Variants in ASPRV1 observed in about 807,000 individuals in gnomAD.
ASPRV1 encodes the protein aspartic peptidase retroviral like 1.
In ASPRV1, 7 loss-of-function variants were observed where a neutral mutation model predicts 11.0. The observed-to-expected ratio is 0.64, with a 90% confidence interval of 0.36 to 1.20. The LOEUF (loss-of-function observed/expected upper bound fraction) is 1.20, where lower values mean the gene tolerates loss of function less well. Among genes scored for constraint, ASPRV1 ranks in the 50% most tolerant of loss-of-function variants. ASPRV1 has a pLI of 0.02. For synonymous variants in ASPRV1, 136 were observed against 138.4 expected, an observed-to-expected ratio of 0.98 and a Z score of 0.12; for missense variants, 299 against 320.0, an observed-to-expected ratio of 0.93 and a Z score of 0.50.
chr2:70,005,256 C>A, the ASPRV1 span, among the ~76,000 whole-genome samples: 1 of 152,062 alleles, frequency 6.6e-6, no homozygotes, highest in Non-Finnish European at 1.5e-5. Flanking sequence ...GACGGGGTTT[C>A]CCTATGTTTC....
chr2:70,079,864 G>A, the ASPRV1 span, among the ~76,000 whole-genome samples: 1 of 152,058 alleles, frequency 6.6e-6, no homozygotes. Flanking sequence ...AGCTATATCC[G>A]TGTCTCAGAA....
the ASPRV1 span, among the ~76,000 whole-genome samples, chr2:69,950,453 AC>A: frequency 6.6e-6 from 1 of 152,096 alleles, no homozygotes; most frequent in Non-Finnish European, 1.5e-5. Flanking sequence ...CAACACTGTG[AC>A]GTTCGTTTTT....
chr2:70,038,124 C>T, the ASPRV1 span, among the ~76,000 whole-genome samples: 1 of 152,146 alleles, frequency 6.6e-6, no homozygotes, highest in Non-Finnish European at 1.5e-5. Flanking sequence ...CTCCATAGAT[C>T]CTTCAATGTA....
chr2:69,987,362 T>A, the ASPRV1 span, among the ~76,000 whole-genome samples: 3 of 151,980 alleles, frequency 2.0e-5, no homozygotes, highest in African/African-American at 7.3e-5. Context: ...AAACCCACGG[T>A]GGGCTATCCT....
chr2:69,996,773 G>A, the ASPRV1 span: 1 of 455,578 alleles, frequency 2.2e-6, no homozygotes. Context: ...TGTGACACAT[G>A]GGGGCTGCAG....
the ASPRV1 span, among the ~76,000 whole-genome samples, chr2:69,954,668 C>A: frequency 3.3e-5 from 5 of 152,184 alleles, no homozygotes; most frequent in Non-Finnish European, 7.3e-5. Context: ...TTTCCTCCCT[C>A]CACCCCAAAT....
chr2:70,019,007 A>G, the ASPRV1 span: 5 of 152,374 alleles, frequency 3.3e-5, no homozygotes, highest in South Asian at 2.1e-4. Context: ...CAAACCATGT[A>G]TCTGAGAAGG....
At chr2:70,012,059 A>G in the ASPRV1 span, 4 of 152,146 alleles carry the variant, frequency 2.6e-5, no homozygotes, top group African/African-American at 9.7e-5. Context: ...GGCATGTGCT[A>G]TTAGTACCCA....
the ASPRV1 span, among the ~76,000 whole-genome samples, chr2:70,029,722 T>C: frequency 6.6e-6 from 1 of 152,102 alleles, no homozygotes; most frequent in Non-Finnish European, 1.5e-5. Context: ...CCACTTTGCT[T>C]GTCAGAAGCA....
At chr2:70,061,226 T>TC in the ASPRV1 span, among the ~76,000 whole-genome samples, 293 of 151,768 alleles carry the variant, frequency 1.9e-3, 1 homozygote, top group African/African-American at 6.9e-3. Flanking sequence ...AGAAACCCCG[T>TC]CTCCATGAAA....
chr2:69,969,191 T>G, the ASPRV1 span, among the ~76,000 whole-genome samples: 1 of 152,176 alleles, frequency 6.6e-6, no homozygotes, highest in African/African-American at 2.4e-5. Flanking sequence ...CAAGCCTATG[T>G]GCCAGAACGA....
the ASPRV1 span, among the ~76,000 whole-genome samples, chr2:69,947,677 C>T: frequency 5.9e-5 from 9 of 152,122 alleles, no homozygotes; most frequent in South Asian, 6.2e-4. Flanking sequence ...TGCAAGCAGA[C>T]GGAAGTGAGG....
At chr2:70,043,919 C>A in the ASPRV1 span, among the ~76,000 whole-genome samples, 1 of 152,126 alleles carries the variant, frequency 6.6e-6, no homozygotes, top group Non-Finnish European at 1.5e-5. Flanking sequence ...CCTCCATAAC[C>A]AGCACTGTCA....
chr2:70,020,840 G>A, the ASPRV1 span, among the ~76,000 whole-genome samples: 1 of 152,144 alleles, frequency 6.6e-6, no homozygotes, highest in Admixed American at 6.5e-5. Context: ...TACTAGTGGT[G>A]ATCAGGGGCT....
the ASPRV1 span, among the ~76,000 whole-genome samples, chr2:69,944,809 T>A: frequency 2.0e-5 from 3 of 149,500 alleles, no homozygotes; most frequent in Non-Finnish European, 4.4e-5. Context: ...GGACCCCCCC[T>A]CCTCTACTGC....
chr2:69,961,087 T>G lies in ASPRV1; in HGVS notation c.350A>C (p.Lys117Thr). 6.2e-7 allele frequency: 1 copy of G among 1,613,750 alleles called. No individual in the cohort carries two copies. Among genetic ancestry groups the G allele is most frequent in the African/African-American group, 1.3e-5 (1 of 74,940 alleles). ...GAACCTCACGGGCACTTTGCCAATCTTCCCCTTGAGATAGTAGCCCTTACC... is the reference window on the plus strand; with the variant it reads ...GAACCTCACGGGCACTTTGCCAATCGTCCCCTTGAGATAGTAGCCCTTACC... The part of the protein sequence containing the change: ...SMGKGYYLKG[K>T]IGKVPVRFLV... Residue 117 changes from lysine to threonine, a missense_variant, in exon 1 of 1, where the codon AAG becomes ACG. Coordinates refer to ENST00000320256, the MANE Select transcript of ASPRV1 (RefSeq NM_152792.4).
At chr2:70,023,342 G>A in the ASPRV1 span, among the ~76,000 whole-genome samples, 2 of 152,190 alleles carry the variant, frequency 1.3e-5, no homozygotes, top group African/African-American at 4.8e-5. Context: ...GCAGGGGAGG[G>A]AAGAGAGGTC....
chr2:69,973,830 C>A, the ASPRV1 span, among the ~76,000 whole-genome samples: 1 of 152,210 alleles, frequency 6.6e-6, no homozygotes, highest in African/African-American at 2.4e-5. Flanking sequence ...CTTCTTAAGT[C>A]TAGATAGTCA....
chr2:69,937,447 G>A, the ASPRV1 span: 1 of 1,483,750 alleles, frequency 6.7e-7, no homozygotes, highest in Non-Finnish European at 8.9e-7. Flanking sequence ...CAACCCCAGA[G>A]CAGGGGTTCA....
Sources: allele counts gnomAD v4.1 joint callset (sites outside exome capture counted in the v4.1 genomes callset), GRCh38; gene constraint gnomAD v4.1.1; transcripts MANE v1.5; gene names NCBI Gene and HGNC (gene_info 2026-07-23, HGNC 2026-07-21).